TSC1: variants seen among roughly 807,000 people sequenced by gnomAD.
TSC1 encodes TSC complex subunit 1, also known as hamartin.
In TSC1, 20 loss-of-function variants were observed where a neutral mutation model predicts 124.3. The observed-to-expected ratio is 0.16, with a 90% CI of 0.11 to 0.23. The LOEUF (loss-of-function observed/expected upper bound fraction) is 0.23. Ranked by LOEUF, TSC1 falls within the 10% of genes least tolerant of loss-of-function variation. The pLI is 1.00. For synonymous variants in TSC1, 493 were observed against 539.1 expected (o/e 0.91, Z 1.19); for missense variants, 1,124 against 1,448.5 (o/e 0.78, Z 3.64).
chr9:132,912,494 T>C, intron 8 of TSC1, 37 bp from the exon 9 acceptor site: 1 of 1,612,352 alleles, frequency 6.2e-7, no homozygotes, highest in Non-Finnish European at 8.5e-7. Flanking sequence ...ATGCAAACTG[T>C]AATCAACTGA....
At chr9:132,920,112 T>C (rs912004429) in intron 8 of TSC1, among the ~76,000 whole-genome samples, 1 of 152,194 alleles carries the variant, frequency 6.6e-6, no homozygotes, top group Non-Finnish European at 1.5e-5. Context: ...AAGCCTTGTG[T>C]TTCCCAGACT....
intron 13 of TSC1, 47 bp downstream of exon 13, chr9:132,907,254 C>T (rs2131876703): frequency 6.6e-7 from 1 of 1,504,548 alleles, no homozygotes; most frequent in Non-Finnish European, 9.3e-7. Flanking sequence ...CACATATAAC[C>T]CAATTAGAAG....
Position 132,897,561 on chromosome 9 carries a change from CT to C in TSC1, c.2674del (p.Arg892GlufsTer39), listed in dbSNP as rs2131637518. The part of the protein sequence containing the change: ...AAYRKELEKN[R>X]SHVLQQTQRL... The stretch of plus-strand genomic sequence containing the variant: ...CTGAGTCTGCTGGAGAACATGGCTT[CT>C]GTTTTTTTCTAGCTCTTTCCGATAG... On this transcript the variant is annotated frameshift_variant, in exon 21 of 23. Coordinates refer to ENST00000298552, the MANE Select transcript of TSC1 (RefSeq NM_000368.5). LOFTEE classifies it high-confidence loss of function. The C allele has an allele frequency of 6.9e-7, 1 of 1,452,526 alleles. No individual in the cohort carries two copies. The highest frequency in any genetic ancestry group is 9.2e-7 in the Non-Finnish European group (1 of 1,089,392). The allele number at this position is 1,452,526 out of a possible 1,614,324, so 90.0% of individuals were successfully genotyped here.
In TSC1 at chr9:132,921,331, A is replaced by G. The variant is rs1588345450; in HGVS notation, c.737+32T>C. On this transcript the variant is annotated intron_variant, in intron 8 of 22. Coordinates refer to ENST00000298552, the MANE Select transcript of TSC1 (RefSeq NM_000368.5). The surrounding 1 kb of genome is among the most constrained non-coding windows in gnomAD (Gnocchi z 4.3). ...GATCACATTTTCAATCTCTCGAAAG[A>G]TTCTTTAAAATTTTGACACTAGTTT... is the stretch of plus-strand genomic sequence containing the variant. 1.2e-6 allele frequency: 2 copies of G among 1,607,222 alleles called. No individual in the cohort carries two copies. The highest frequency in any genetic ancestry group is 1.7e-6 in the Non-Finnish European group (2 of 1,173,912).
intron 8 of TSC1, 129 bp from the exon 9 acceptor site, chr9:132,912,586 T>A: frequency 1.0e-6 from 1 of 989,848 alleles, no homozygotes; most frequent in East Asian, 2.6e-5. Flanking sequence ...CCAGCCCAAG[T>A]CTGAAACAAT....
Position 132,897,357 on chromosome 9 carries a change from A to C in TSC1, c.2814-12T>G. On this transcript the variant is annotated splice_polypyrimidine_tract_variant and intron_variant, in intron 21 of 22. Coordinates refer to ENST00000298552, the MANE Select transcript of TSC1 (RefSeq NM_000368.5). ...CCTGCAGCTGTCCTCTGAAAGATAC[A>C]GACCAGCCAGAATATAGGAAGTTCC... The C allele has an allele frequency of 6.2e-7, 1 of 1,614,238 alleles. No homozygotes were observed. Among genetic ancestry groups the C allele is most frequent in the Non-Finnish European group, 8.5e-7 (1 of 1,180,048 alleles).
At chr9:132,914,084 G>C (rs1309513518) in intron 8 of TSC1, among the ~76,000 whole-genome samples, 2 of 151,608 alleles carry the variant, frequency 1.3e-5, no homozygotes, top group African/African-American at 4.8e-5. Flanking sequence ...ATTTTTAGTA[G>C]AGATGGGGTT....
intron 13 of TSC1, 42 bp downstream of exon 13, chr9:132,907,259 T>C: frequency 6.5e-7 from 1 of 1,539,174 alleles, no homozygotes. Flanking sequence ...ATAACCCAAT[T>C]AGAAGAGGCA....
intron 8 of TSC1, among the ~76,000 whole-genome samples, chr9:132,917,002 T>A (rs1846299290): frequency 6.6e-6 from 1 of 152,202 alleles, no homozygotes; most frequent in South Asian, 2.1e-4. Flanking sequence ...TCCATGCATA[T>A]CTGAAAGTGT....
chr9:132,918,388 G>C (rs147822553), intron 8 of TSC1, among the ~76,000 whole-genome samples: 180 of 152,254 alleles, frequency 1.2e-3, no homozygotes, highest in Middle Eastern at 0.01. Flanking sequence ...GGTAGACAAG[G>C]GGAGCTAAAA....
intron 2 of TSC1, among the ~76,000 whole-genome samples, chr9:132,934,227 T>C (rs985000425): frequency 1.3e-5 from 2 of 152,212 alleles, no homozygotes; most frequent in African/African-American, 4.8e-5. Flanking sequence ...ACCCTTCCTA[T>C]ACACAGCTCT....
Position 132,893,493 on chromosome 9 carries a change from G to C in TSC1, c.*2742C>G, listed in dbSNP as rs963620195. 1 of 233,176 alleles carries C rather than the reference G, an allele frequency of 4.3e-6. No homozygotes were observed. The highest frequency in any genetic ancestry group is 2.2e-5 in the African/African-American group (1 of 45,410). 14.4% of individuals were successfully genotyped at this position (233,176 alleles called of 1,614,324 possible). ...GTGTTTATTCACCTGCAGGGACTCCGGAGCTCATTTGCTCTGCGTCTTCCT... is the reference window on the plus strand; with the variant it reads ...GTGTTTATTCACCTGCAGGGACTCCCGAGCTCATTTGCTCTGCGTCTTCCT... On this transcript the variant is annotated 3_prime_UTR_variant, in exon 23 of 23. Transcript: ENST00000298552.
intron 2 of TSC1, among the ~76,000 whole-genome samples, chr9:132,932,224 C>T (rs967823427): frequency 6.6e-6 from 1 of 152,190 alleles, no homozygotes; most frequent in African/African-American, 2.4e-5. Context: ...GAGGGCATGA[C>T]CTTCAAGGCC....
chr9:132,892,380 A>G lies in TSC1; in HGVS notation c.*3855T>C, dbSNP rs558930752. On this transcript the variant is annotated 3_prime_UTR_variant, in exon 23 of 23. Coordinates refer to ENST00000298552, the MANE Select transcript of TSC1 (RefSeq NM_000368.5). ...ACACAAACATCTTCAGACTGGATAC[A>G]TTTTTCCAATACTTGTTGCGGGTCG... is the stretch of plus-strand genomic sequence containing the variant. 2.6e-5 allele frequency: 6 copies of G among 233,230 alleles called. No homozygotes were observed. Among genetic ancestry groups the G allele is most frequent in the Non-Finnish European group, 5.1e-5 (6 of 118,094 alleles). 14.4% of individuals were successfully genotyped at this position (233,230 alleles called of 1,614,324 possible).
chr9:132,902,648 T>C lies in TSC1; in HGVS notation c.2348A>G (p.Gln783Arg), dbSNP rs774284355. 6.2e-7 allele frequency: 1 copy of C among 1,614,218 alleles called. No individual in the cohort carries two copies. Among genetic ancestry groups the C allele is most frequent in the Non-Finnish European group, 8.5e-7 (1 of 1,180,048 alleles). The change falls in exon 18 of 23, where the codon CAG becomes CGG. Residue 783 changes from glutamine (Q) to arginine (R), a missense_variant. By Grantham distance (43) the Gln-to-Arg change is conservative. Around this residue, in one of 5 missense-constraint regions of TSC1, gnomAD observed 321 missense variants for 397.4 expected, o/e 0.81. Transcript: ENST00000298552. This position sits in a 1 kb window ranked among gnomAD's most constrained non-coding sequence, Gnocchi z 5.2. ...GTTGTAGAATTCCTCTCGGTCATGC[T>C]GCAGCTGTCTGATCTGGCTGTGGAG... is the stretch of plus-strand genomic sequence containing the variant. ...TKLHSQIRQL[Q>R]HDREEFYNQS... is the part of the protein sequence containing the mutation.
intron 1 of TSC1, among the ~76,000 whole-genome samples, chr9:132,936,605 AT>A (rs1344772610): frequency 6.6e-6 from 1 of 152,208 alleles, no homozygotes; most frequent in African/African-American, 2.4e-5. Context: ...ATATAAATAC[AT>A]TTTTGTTTGC....
At chr9:132,897,161 A>G (rs1391071113) in intron 22 of TSC1, 23 bp downstream of exon 22, 1 of 1,613,862 alleles carries the variant, frequency 6.2e-7, no homozygotes, top group Non-Finnish European at 8.5e-7. Flanking sequence ...TCCCAAGGTC[A>G]TGAATCAGTT....
intron 12 of TSC1, 88 bp from the exon 13 acceptor site, chr9:132,907,458 G>T: frequency 2.0e-6 from 2 of 1,019,846 alleles, no homozygotes; most frequent in Non-Finnish European, 3.1e-6. Flanking sequence ...AAGGTCAGCC[G>T]AGTGCAGTGA....
At chr9:132,905,450 T>A in intron 15 of TSC1, 131 bp downstream of exon 15, 1 of 1,298,472 alleles carries the variant, frequency 7.7e-7, no homozygotes, top group Non-Finnish European at 1.1e-6. Flanking sequence ...GAAGGACATC[T>A]GACAAACAGC....
Sources: allele counts gnomAD v4.1 joint callset (sites outside exome capture counted in the v4.1 genomes callset), GRCh38; gene constraint gnomAD v4.1.1; regional missense constraint gnomAD v4.1.1; non-coding constraint Gnocchi (gnomAD v3.1); transcripts MANE v1.5; gene names NCBI Gene and HGNC (gene_info 2026-07-23, HGNC 2026-07-21).